Variants in NPAS3 observed in about 807,000 individuals in gnomAD.
NPAS3 encodes the protein neuronal PAS domain protein 3, also known as neuronal PAS domain-containing protein 3.
Under a neutral mutation model 73.1 loss-of-function variants are expected in NPAS3, and 14 were observed. The observed-to-expected ratio is 0.19, with a 90% CI of 0.13 to 0.30. The LOEUF (loss-of-function observed/expected upper bound fraction) is 0.30, where lower values mean the gene tolerates loss of function less well. Ranked by LOEUF, NPAS3 falls within the 10% of genes least tolerant of loss-of-function variation. The pLI is 1.00. For missense variants in NPAS3, 1,096 were observed against 1,250.0 expected (o/e 0.88, Z 1.86); for synonymous variants, 620 against 541.5 (o/e 1.14, Z -2.01).
intron 1 of NPAS3, among the ~76,000 whole-genome samples, chr14:33,016,170 A>C (rs2039385513): frequency 6.6e-6 from 1 of 152,160 alleles, no homozygotes; most frequent in South Asian, 2.1e-4. Context: ...TTCTAAATTA[A>C]GGGAGAATTT....
intron 7 of NPAS3, among the ~76,000 whole-genome samples, chr14:33,758,081 T>G (rs1489710297): frequency 6.6e-6 from 1 of 152,186 alleles, no homozygotes; most frequent in East Asian, 1.9e-4. Flanking sequence ...AATCCTTTCT[T>G]CAGAATTCTT....
At chr14:33,694,620 T>C (rs1012540777) in intron 6 of NPAS3, among the ~76,000 whole-genome samples, 1 of 152,204 alleles carries the variant, frequency 6.6e-6, no homozygotes, top group Non-Finnish European at 1.5e-5. Flanking sequence ...TTTACAAAGC[T>C]AGTAAACATG....
chr14:33,232,680 A>G (rs890515004), intron 3 of NPAS3, among the ~76,000 whole-genome samples: 2 of 152,164 alleles, frequency 1.3e-5, no homozygotes, highest in African/African-American at 4.8e-5. Context: ...GTCTACTTCT[A>G]CAATACTATT....
At chr14:33,274,567 T>C (rs1449302041) in intron 3 of NPAS3, among the ~76,000 whole-genome samples, 1 of 152,158 alleles carries the variant, frequency 6.6e-6, no homozygotes, top group Non-Finnish European at 1.5e-5. Flanking sequence ...CCCCTTCTCA[T>C]ATGCATTATT....
chr14:33,315,237 A>G (rs2043161405), intron 3 of NPAS3, among the ~76,000 whole-genome samples: 1 of 152,126 alleles, frequency 6.6e-6, no homozygotes, highest in Non-Finnish European at 1.5e-5. Flanking sequence ...TTTATGGGAA[A>G]TATTAAGTAT....
chr14:32,994,828 C>T (rs187167454), intron 1 of NPAS3, among the ~76,000 whole-genome samples: 170 of 152,172 alleles, frequency 1.1e-3, no homozygotes, highest in Non-Finnish European at 2.2e-3. Flanking sequence ...GATGGGATTT[C>T]GCCATGTTGG....
exon 8 of NPAS3, chr14:33,774,382 C>A (rs777877727): frequency 4.8e-5 from 77 of 1,614,052 alleles, no homozygotes; most frequent in Non-Finnish European, 6.4e-5. Flanking sequence ...GTCGCTGTCC[C>A]ACGGGAGGAC....
chr14:33,455,462 T>C (rs1014326806), intron 4 of NPAS3, among the ~76,000 whole-genome samples: 3 of 152,212 alleles, frequency 2.0e-5, no homozygotes, highest in Non-Finnish European at 1.5e-5. Context: ...GGCAGTTTCA[T>C]ATCATTCCTA....
At chr14:33,168,436 G>C (rs1183670496) in intron 2 of NPAS3, among the ~76,000 whole-genome samples, 1 of 152,154 alleles carries the variant, frequency 6.6e-6, no homozygotes, top group Admixed American at 6.5e-5. Flanking sequence ...AACCAAAGCT[G>C]TGAGAAGCAT....
chr14:33,218,819 G>T (rs770022835), intron 3 of NPAS3, among the ~76,000 whole-genome samples: 3 of 152,094 alleles, frequency 2.0e-5, no homozygotes, highest in Non-Finnish European at 4.4e-5. Context: ...CCTTTACTGT[G>T]CCCTGTGCAG....
intron 4 of NPAS3, among the ~76,000 whole-genome samples, chr14:33,527,159 T>C (rs1447350440): frequency 6.6e-6 from 1 of 152,150 alleles, no homozygotes; most frequent in African/African-American, 2.4e-5. Flanking sequence ...CCATTTATGA[T>C]TTTCCCCTTC....
At chr14:33,594,114 G>T (rs1205004416) in intron 5 of NPAS3, among the ~76,000 whole-genome samples, 1 of 152,186 alleles carries the variant, frequency 6.6e-6, no homozygotes, top group Non-Finnish European at 1.5e-5. Flanking sequence ...TTTGCAGGGG[G>T]ATTCCAGGAC....
intron 9 of NPAS3, among the ~76,000 whole-genome samples, chr14:33,783,802 A>G (rs2063057883): frequency 6.6e-6 from 1 of 152,154 alleles, no homozygotes; most frequent in Non-Finnish European, 1.5e-5. Context: ...GCCTTCCCCA[A>G]TCAGAATCTG....
chr14:33,704,058 G>C (rs923389573), intron 6 of NPAS3, among the ~76,000 whole-genome samples: 1 of 152,120 alleles, frequency 6.6e-6, no homozygotes, highest in African/African-American at 2.4e-5. Context: ...ACAGTAATAA[G>C]ACCCACTTCA....
intron 1 of NPAS3, among the ~76,000 whole-genome samples, chr14:33,042,558 T>C (rs1215360241): frequency 1.3e-5 from 2 of 152,214 alleles, no homozygotes; most frequent in Non-Finnish European, 2.9e-5. Context: ...GGCACATTTC[T>C]TGCTCTCTAC....
At chr14:33,442,561 C>G (rs140319308) in intron 4 of NPAS3, among the ~76,000 whole-genome samples, 1 of 152,336 alleles carries the variant, frequency 6.6e-6, no homozygotes, top group East Asian at 1.9e-4. Context: ...ATGCTATCCT[C>G]ATGATAGTAA....
intron 2 of NPAS3, among the ~76,000 whole-genome samples, chr14:33,084,002 T>C (rs1273273984): frequency 1.3e-5 from 2 of 152,204 alleles, no homozygotes; most frequent in Non-Finnish European, 2.9e-5. Flanking sequence ...TAATCCCAAA[T>C]GAGAAATTTG....
intron 4 of NPAS3, among the ~76,000 whole-genome samples, chr14:33,485,539 C>G (rs2051542785): frequency 6.6e-6 from 1 of 152,010 alleles, no homozygotes; most frequent in African/African-American, 2.4e-5. Context: ...TTAGAGGTCC[C>G]CCGACTACCC....
At chr14:33,308,527 T>TATATATACACACACACAC in intron 3 of NPAS3, among the ~76,000 whole-genome samples, 15 of 103,716 alleles carry the variant, frequency 1.4e-4, no homozygotes, top group East Asian at 2.8e-4. Flanking sequence ...TATATATATA[T>TATATATACACACACACAC]ACATACACAC....
Sources: allele counts gnomAD v4.1 joint callset (sites outside exome capture counted in the v4.1 genomes callset), GRCh38; gene constraint gnomAD v4.1.1; transcripts MANE v1.5; gene names NCBI Gene and HGNC (gene_info 2026-07-23, HGNC 2026-07-21).